The following HARS1 variants were observed in gnomAD, a reference collection of about 807,000 sequenced individuals.
HARS1 encodes the protein histidine--tRNA ligase, cytoplasmic.
In HARS1, 45 loss-of-function variants were observed where a neutral mutation model predicts 63.6. That is an observed-to-expected ratio of 0.71 (90% CI 0.56 to 0.91). The LOEUF is 0.91. HARS1 is among the 40% of genes least tolerant of loss of function. HARS1 has a pLI of 0.00. For synonymous variants in HARS1, 205 were observed against 247.1 expected, an observed-to-expected ratio of 0.83 and a Z score of 1.60; for missense variants, 508 against 643.2, an observed-to-expected ratio of 0.79 and a Z score of 2.27.
chr5:140,676,849 C>G lies in HARS1; in HGVS notation c.999G>C (p.Gly333=). ...SLARGLDYYT[G]VIYEAVLLQT... The stretch of plus-strand genomic sequence containing the variant: ...GTAGCAGCACTGCCTCATAGATCAC[C>G]CCAGTGTAGTAATCCAGCCCTCGAG... The change falls in exon 10 of 13, where the codon GGG becomes GGC. Residue 333 remains glycine, a synonymous_variant. Transcript: ENST00000504156. The surrounding 1 kb of genome is among the most constrained non-coding windows in gnomAD (Gnocchi z 4.1). The G allele has an allele frequency of 6.2e-7, 1 of 1,614,186 alleles. No individual in the cohort carries two copies. Among genetic ancestry groups the G allele is most frequent in the African/African-American group, 1.3e-5 (1 of 75,050 alleles).
At position 140,679,449 on chromosome 5, in the gene HARS1, TTCTC is replaced by T; in HGVS notation, c.397-326_397-323del. 1 of 406,690 alleles carries T rather than the reference TTCTC, an allele frequency of 2.5e-6. No homozygotes were observed. Among genetic ancestry groups the T allele is most frequent in the Non-Finnish European group, 4.4e-6 (1 of 228,304 alleles). The allele number at this position is 406,690 out of a possible 1,614,324, so 25.2% of individuals were successfully genotyped here. On this transcript the variant is annotated intron_variant, in intron 4 of 12. Coordinates refer to ENST00000504156, the MANE Select transcript of HARS1 (RefSeq NM_002109.6). The surrounding 1 kb of genome is among the most constrained non-coding windows in gnomAD (Gnocchi z 4.3). ...CCATATGGGATTTCTAAGCAGATGATTCTCTGTGTAGCTTGGAGACAAGGGAAAT... is the reference window on the plus strand; with the variant it reads ...CCATATGGGATTTCTAAGCAGATGATTGTGTAGCTTGGAGACAAGGGAAAT...
intron 2 of HARS1, among the ~76,000 whole-genome samples, chr5:140,690,128 A>G (rs946328733): frequency 2.6e-5 from 4 of 152,068 alleles, no homozygotes; most frequent in Non-Finnish European, 5.9e-5. Context: ...TAATTTCTTT[A>G]TATCATTTTT....
chr5:140,683,433 T>G, intron 2 of HARS1: 1 of 998,016 alleles, frequency 1.0e-6, no homozygotes, highest in Non-Finnish European at 1.4e-6. Flanking sequence ...TCCATTCCCT[T>G]TTAAGTTTGG....
intron 2 of HARS1, 47 bp from the exon 3 acceptor site, chr5:140,683,266 C>G (rs1429490487): frequency 6.3e-7 from 1 of 1,593,958 alleles, no homozygotes. Context: ...GTTTGAAAAC[C>G]AAGAACAATA....
At chr5:140,686,930 G>T (rs901434780) in intron 2 of HARS1, among the ~76,000 whole-genome samples, 3 of 152,186 alleles carry the variant, frequency 2.0e-5, no homozygotes, top group African/African-American at 7.2e-5. Flanking sequence ...CTGAATACTT[G>T]AATTTTTTCA....
chr5:140,686,479 T>TA (rs1759038152), intron 2 of HARS1, among the ~76,000 whole-genome samples: 1 of 152,128 alleles, frequency 6.6e-6, no homozygotes, highest in Non-Finnish European at 1.5e-5. Context: ...CCTCAGGTGA[T>TA]CCGCCCACCT....
rs75397255 is a variant in HARS1, at chr5:140,674,858, G to A, written c.1312-33C>T. ...GGACAAGAGCAGAAGATGAAGGCTG[G>A]CTTCTGCTGTCCTCAGGGACAGAGG... On this transcript the variant is annotated intron_variant, in intron 11 of 12. Coordinates refer to ENST00000504156, the MANE Select transcript of HARS1 (RefSeq NM_002109.6). 10 of 1,612,336 alleles carry A rather than the reference G, an allele frequency of 6.2e-6. No homozygotes were observed. In the African/African-American group the frequency reaches 1.3e-4, roughly 22 times the overall value.
intron 2 of HARS1, 62 bp from the exon 3 acceptor site, chr5:140,683,281 T>G (rs1328587174): frequency 6.4e-7 from 1 of 1,556,260 alleles, no homozygotes; most frequent in Non-Finnish European, 8.8e-7. Context: ...ACAATATGTT[T>G]TGGAAATATA....
rs1758203010 is a variant in HARS1, at chr5:140,674,146, C to G, written c.*111G>C. The G allele has an allele frequency of 1.3e-6, 1 of 776,708 alleles. No homozygotes were observed. The highest frequency in any genetic ancestry group is 1.9e-5 in the Admixed American group (1 of 53,928). The allele number at this position is 776,708 out of a possible 1,614,324, so 48.1% of individuals were successfully genotyped here. A position where few individuals can be genotyped will look rare whatever the true frequency, so the allele number is the denominator to read the frequency against. ...CAAAGGCTCTGTTCTGACCACTCTTCAGGTCTTCCGCTGAAACGGAAAAGT... is the reference window on the plus strand; with the variant it reads ...CAAAGGCTCTGTTCTGACCACTCTTGAGGTCTTCCGCTGAAACGGAAAAGT... On this transcript the variant is annotated 3_prime_UTR_variant, in exon 13 of 13. Transcript: ENST00000504156.
At chr5:140,688,052 T>G (rs1759143101) in intron 2 of HARS1, 1 of 152,158 alleles carries the variant, frequency 6.6e-6, no homozygotes, top group African/African-American at 2.4e-5. Context: ...TGCAGTGAGC[T>G]GAGATCACGC....
chr5:140,679,172 G>A lies in HARS1; in HGVS notation c.397-45C>T. ...GAGAAAGCCCCTCCTATCACTGTCT[G>A]CAAGTTGATTATCATCACCAACAGA... On this transcript the variant is annotated intron_variant, in intron 4 of 12. Transcript: ENST00000504156. This position sits in a 1 kb window ranked among gnomAD's most constrained non-coding sequence, Gnocchi z 4.3. 1.2e-6 allele frequency: 2 copies of A among 1,604,174 alleles called. No homozygotes were observed. Among genetic ancestry groups the A allele is most frequent in the Non-Finnish European group, 1.7e-6 (2 of 1,173,012 alleles).
chr5:140,680,553 A>T (rs1001900824), intron 3 of HARS1, among the ~76,000 whole-genome samples: 14 of 152,156 alleles, frequency 9.2e-5, no homozygotes, highest in South Asian at 2.1e-4. Context: ...TTAAAAAAAA[A>T]TTTTTTTAGG....
At chr5:140,685,522 C>A (rs1758973166) in intron 2 of HARS1, among the ~76,000 whole-genome samples, 1 of 151,408 alleles carries the variant, frequency 6.6e-6, no homozygotes, top group South Asian at 2.1e-4. Flanking sequence ...GAGATCGAGA[C>A]TATCCTGGCC....
chr5:140,675,203 G>A (rs935345333), intron 10 of HARS1, 70 bp from the exon 11 acceptor site: 25 of 998,464 alleles, frequency 2.5e-5, no homozygotes, highest in African/African-American at 8.0e-5. Context: ...GGCTCTAGTC[G>A]GGATTTTGAG....
In HARS1 at chr5:140,673,933, T is replaced by C. The variant is rs1262735588; in HGVS notation, c.*324A>G. ...GTGGTTGAGGCATTTTATTGGACCT[T>C]TGGCAATTGGTGGTGGGGAGGCATC... On this transcript the variant is annotated 3_prime_UTR_variant, in exon 13 of 13. Transcript: ENST00000504156. 1.4e-5 allele frequency: 8 copies of C among 555,770 alleles called. No homozygotes were observed. Among genetic ancestry groups the C allele is most frequent in the Middle Eastern group, 4.8e-4 (1 of 2,072 alleles). 34.4% of individuals were successfully genotyped at this position (555,770 alleles called of 1,614,324 possible). A position where few individuals can be genotyped will look rare whatever the true frequency, so the allele number is the denominator to read the frequency against.
intron 3 of HARS1, among the ~76,000 whole-genome samples, chr5:140,682,198 C>T (rs1581515053): frequency 6.6e-6 from 1 of 151,856 alleles, no homozygotes; most frequent in Non-Finnish European, 1.5e-5. Context: ...GCCTGGGCAA[C>T]ATAGCAAGAC....
At chr5:140,691,056 T>A in intron 1 of HARS1, 112 bp from the exon 2 acceptor site, 6 of 936,776 alleles carry the variant, frequency 6.4e-6, no homozygotes, top group Non-Finnish European at 1.0e-5. Flanking sequence ...CTAGCTTTGT[T>A]TCTCTCGGGA....
At chr5:140,685,960 C>T (rs1407344488) in intron 2 of HARS1, among the ~76,000 whole-genome samples, 1 of 146,178 alleles carries the variant, frequency 6.8e-6, no homozygotes, top group African/African-American at 2.5e-5. Context: ...GATGGAGTCT[C>T]GCTCTGTCAC....
In HARS1 at chr5:140,677,316, C is replaced by T; in HGVS notation, c.823+11G>A. ...GGACGGCTGCTGGGGAGGCTTGGTTCTGTTCCTCACCATGTTGCTGGACAT... is the reference window on the plus strand; with the variant it reads ...GGACGGCTGCTGGGGAGGCTTGGTTTTGTTCCTCACCATGTTGCTGGACAT... On this transcript the variant is annotated intron_variant, in intron 8 of 12. Transcript: ENST00000504156. The T allele has an allele frequency of 6.2e-7, 1 of 1,600,166 alleles. No individual in the cohort carries two copies. The highest frequency in any genetic ancestry group is 8.6e-7 in the Non-Finnish European group (1 of 1,167,702).
Sources: allele counts gnomAD v4.1 joint callset (sites outside exome capture counted in the v4.1 genomes callset), GRCh38; gene constraint gnomAD v4.1.1; non-coding constraint Gnocchi (gnomAD v3.1); transcripts MANE v1.5; gene names NCBI Gene and HGNC (gene_info 2026-07-23, HGNC 2026-07-21).